The following KDM4C variants were observed in gnomAD, a reference collection of about 807,000 sequenced individuals.
KDM4C encodes the protein lysine demethylase 4C, also known as lysine-specific demethylase 4C.
Under a neutral mutation model 129.3 loss-of-function variants are expected in KDM4C, and 81 were observed. The ratio of observed to expected loss-of-function variants is 0.63; its 90% CI spans 0.52 to 0.75. KDM4C has a LOEUF of 0.75. Ranked by LOEUF, KDM4C falls within the 30% of genes least tolerant of loss-of-function variation. KDM4C has a pLI of 0.00. For missense variants in KDM4C, 1,457 were observed against 1,304.0 expected (o/e 1.12, Z -1.81); for synonymous variants, 573 against 456.1 (o/e 1.26, Z -3.26).
chr9:6,901,844 C>CT (rs1462196841), intron 8 of KDM4C, among the ~76,000 whole-genome samples: 1 of 152,170 alleles, frequency 6.6e-6, no homozygotes, highest in Non-Finnish European at 1.5e-5. Context: ...GGCTAAAAAA[C>CT]TAAGTAAGAC....
intron 1 of KDM4C, among the ~76,000 whole-genome samples, chr9:6,768,627 A>G (rs942299620): frequency 2.0e-5 from 3 of 152,184 alleles, no homozygotes; most frequent in African/African-American, 7.2e-5. Flanking sequence ...TATCCAGTCC[A>G]GAATTGTGCA....
intron 1 of KDM4C, among the ~76,000 whole-genome samples, chr9:6,746,111 T>C (rs558838812): frequency 7.9e-5 from 12 of 151,172 alleles, no homozygotes; most frequent in Non-Finnish European, 1.5e-4. Context: ...CAGCATACTT[T>C]TTGTATTTTA....
chr9:7,121,749 A>G (rs924929967), intron 18 of KDM4C, among the ~76,000 whole-genome samples: 1 of 152,072 alleles, frequency 6.6e-6, no homozygotes, highest in Non-Finnish European at 1.5e-5. Flanking sequence ...TAAATCTTAA[A>G]TGGGAAGTGC....
chr9:6,954,289 G>A (rs922598804), intron 8 of KDM4C, among the ~76,000 whole-genome samples: 2 of 152,064 alleles, frequency 1.3e-5, no homozygotes, highest in Admixed American at 6.5e-5. Flanking sequence ...CTTAGTACTC[G>A]GTCACGTCAA....
At chr9:6,844,232 C>G (rs1263420110) in intron 4 of KDM4C, among the ~76,000 whole-genome samples, 1 of 152,150 alleles carries the variant, frequency 6.6e-6, no homozygotes, top group African/African-American at 2.4e-5. Context: ...ATCCTTTGGA[C>G]TATCTTCATT....
chr9:7,150,471 G>A (rs1842630543), intron 19 of KDM4C, among the ~76,000 whole-genome samples: 1 of 152,192 alleles, frequency 6.6e-6, no homozygotes, highest in African/African-American at 2.4e-5. Context: ...ATATTCATGT[G>A]TGTATTTGAG....
chr9:6,932,858 C>G (rs1824010882), intron 8 of KDM4C, among the ~76,000 whole-genome samples: 1 of 152,204 alleles, frequency 6.6e-6, no homozygotes, highest in Non-Finnish European at 1.5e-5. Context: ...GCCTCCACTA[C>G]AAAGGATTAT....
intron 8 of KDM4C, among the ~76,000 whole-genome samples, chr9:6,919,853 G>A (rs1345012479): frequency 5.3e-5 from 8 of 152,030 alleles, no homozygotes; most frequent in Admixed American, 5.2e-4. Flanking sequence ...AGGATTATAG[G>A]TGTGAGCCAC....
At chr9:6,967,138 T>C (rs1200677029) in intron 8 of KDM4C, among the ~76,000 whole-genome samples, 1 of 151,946 alleles carries the variant, frequency 6.6e-6, no homozygotes, top group Non-Finnish European at 1.5e-5. Flanking sequence ...TTATACAGAC[T>C]CCTGGCCGGG....
intron 5 of KDM4C, among the ~76,000 whole-genome samples, chr9:6,857,164 A>G (rs1421535925): frequency 1.3e-5 from 2 of 152,064 alleles, no homozygotes; most frequent in Non-Finnish European, 2.9e-5. Flanking sequence ...TGGCCATTGT[A>G]TGTTTCAAAG....
chr9:6,909,346 G>T lies in KDM4C; in HGVS notation c.921+16114G>T, dbSNP rs573123031. ...AGTGCTGCACTTGCCCCTCTTACTG[G>T]ACCCAAAAGGCTCTCAAGTGTAACA... On this transcript the variant is annotated intron_variant, in intron 8 of 21. Coordinates refer to ENST00000381309, the MANE Select transcript of KDM4C (RefSeq NM_015061.6). 2.6e-5 allele frequency among the ~76,000 whole-genome samples: 4 copies of T among 152,294 alleles called. No homozygotes were observed. The South Asian group carries it at 8.3e-4, about 32-fold the overall frequency.
Position 6,966,417 on chromosome 9 carries a change from G to A in KDM4C, c.922-14508G>A, listed in dbSNP as rs942151364. ...GATCTCCTGACCTCGTGATCCGCCC[G>A]CCTCTGCCTCCCAAAGTGCTGGGAT... On this transcript the variant is annotated intron_variant, in intron 8 of 21. Coordinates refer to ENST00000381309, the MANE Select transcript of KDM4C (RefSeq NM_015061.6). Among the ~76,000 whole-genome samples, 28 of 152,162 alleles carry A rather than the reference G, an allele frequency of 1.8e-4. 1 individual carries two copies. Among genetic ancestry groups the A allele is most frequent in the Admixed American group, 1.6e-3 (25 of 15,270 alleles).
intron 4 of KDM4C, among the ~76,000 whole-genome samples, chr9:6,838,168 T>C (rs1836229980): frequency 6.6e-6 from 1 of 152,238 alleles, no homozygotes; most frequent in African/African-American, 2.4e-5. Context: ...ATTTTATTTT[T>C]CTTTGCTTGT....
intron 5 of KDM4C, among the ~76,000 whole-genome samples, chr9:6,856,628 G>T (rs1468456337): frequency 6.6e-6 from 1 of 150,760 alleles, no homozygotes; most frequent in African/African-American, 2.4e-5. Flanking sequence ...GGCTGAATGC[G>T]GTGTTGCGAT....
At chr9:7,082,443 C>T (rs1262494968) in intron 17 of KDM4C, among the ~76,000 whole-genome samples, 3 of 152,170 alleles carry the variant, frequency 2.0e-5, no homozygotes, top group Non-Finnish European at 4.4e-5. Flanking sequence ...TGCCACAAAC[C>T]ATCACTGGAT....
At chr9:6,965,874 T>G (rs1481309919) in intron 8 of KDM4C, among the ~76,000 whole-genome samples, 2 of 152,212 alleles carry the variant, frequency 1.3e-5, no homozygotes, top group Admixed American at 6.5e-5. Flanking sequence ...AATAATATCT[T>G]ACTACATTTC....
At chr9:6,939,761 A>G (rs1463026287) in intron 8 of KDM4C, among the ~76,000 whole-genome samples, 1 of 152,216 alleles carries the variant, frequency 6.6e-6, no homozygotes, top group Admixed American at 6.5e-5. Context: ...TTTGGTAAGG[A>G]TACATTTGAA....
intron 15 of KDM4C, among the ~76,000 whole-genome samples, chr9:7,026,488 C>A (rs1229560245): frequency 6.6e-6 from 1 of 151,384 alleles, no homozygotes; most frequent in Non-Finnish European, 1.5e-5. Flanking sequence ...TTATTTTTTT[C>A]TTTTCTCTTG....
intron 5 of KDM4C, among the ~76,000 whole-genome samples, chr9:6,877,508 T>G (rs912860092): frequency 1.8e-4 from 27 of 152,192 alleles, no homozygotes; most frequent in Admixed American, 1.5e-3. Flanking sequence ...CCTAACAAGA[T>G]TATTTTTAAG....
Sources: allele counts gnomAD v4.1 joint callset (sites outside exome capture counted in the v4.1 genomes callset), GRCh38; gene constraint gnomAD v4.1.1; transcripts MANE v1.5; gene names NCBI Gene and HGNC (gene_info 2026-07-23, HGNC 2026-07-21).